MAST4: variants seen among roughly 807,000 people sequenced by gnomAD.
The protein encoded by MAST4 is microtubule-associated serine/threonine-protein kinase 4.
A neutral mutation model predicts 162.7 loss-of-function variants in MAST4; 89 were observed. The observed-to-expected ratio is 0.55, with a 90% confidence interval of 0.46 to 0.65. The LOEUF (loss-of-function observed/expected upper bound fraction) is 0.65. MAST4 is among the 30% of genes least tolerant of loss of function. The probability of loss-of-function intolerance (pLI) is 0.00; values close to 1 mark genes in which losing one functional copy is unlikely to be tolerated. For synonymous variants in MAST4, 1,479 were observed against 1,361.1 expected (o/e 1.09, Z -1.91); for missense variants, 3,153 against 3,374.0 (o/e 0.93, Z 1.62).
chr5:66,858,271 C>T (rs1047893722), intron 3 of MAST4, among the ~76,000 whole-genome samples: 7 of 152,164 alleles, frequency 4.6e-5, no homozygotes, highest in Admixed American at 2.6e-4. Context: ...TCCCAGAGTG[C>T]TGGGATTACA....
chr5:67,004,520 G>A (rs1751723859), intron 4 of MAST4: 1 of 156,466 alleles, frequency 6.4e-6, no homozygotes, highest in African/African-American at 2.4e-5. Flanking sequence ...GGGCATGTTC[G>A]GATGTGAATG....
rs76732064 is a variant in MAST4 at position 67,149,209 on chromosome 5, C to T, written c.3095-180C>T. ...GCCTCTTCCATCTCTTCCTCCTCCA[C>T]GTCACCTTTCTCAAAGCAATCACAT... On this transcript the variant is annotated intron_variant, in intron 23 of 28. Transcript: ENST00000403625. Among the ~76,000 whole-genome samples, 2,768 of 152,214 alleles carry T rather than the reference C, an allele frequency of 0.018. 36 individuals carry two copies. The highest frequency in any genetic ancestry group is 0.034 in the Middle Eastern group (10 of 294).
chr5:66,756,416 A>G (rs1753541047), intron 1 of MAST4, among the ~76,000 whole-genome samples: 1 of 152,228 alleles, frequency 6.6e-6, no homozygotes, highest in Non-Finnish European at 1.5e-5. Flanking sequence ...AACCACAAGT[A>G]TTTGAAGCAG....
intron 4 of MAST4, among the ~76,000 whole-genome samples, chr5:67,010,230 G>A (rs368034156): frequency 3.1e-4 from 47 of 152,304 alleles, no homozygotes; most frequent in African/African-American, 1.1e-3. Flanking sequence ...GAGTACTTAG[G>A]CCTCACCAAT....
intron 3 of MAST4, among the ~76,000 whole-genome samples, chr5:66,877,020 G>A (rs571927643): frequency 7.9e-4 from 121 of 152,208 alleles, no homozygotes; most frequent in Non-Finnish European, 1.5e-3. Flanking sequence ...ATAGGAGCAT[G>A]TGCAAATAGC....
chr5:67,084,624 A>G (rs879728274), intron 5 of MAST4, among the ~76,000 whole-genome samples: 5 of 152,204 alleles, frequency 3.3e-5, no homozygotes, highest in African/African-American at 7.2e-5. Flanking sequence ...ATCCCTTACC[A>G]TCACTTACAG....
chr5:66,890,986 A>G (rs1162933794), intron 3 of MAST4, among the ~76,000 whole-genome samples: 1 of 152,236 alleles, frequency 6.6e-6, no homozygotes, highest in Non-Finnish European at 1.5e-5. Flanking sequence ...AGTTCCCACT[A>G]TTTGTGTAAA....
At chr5:67,094,157 A>C (rs1394566830) in intron 6 of MAST4, 4 of 1,503,038 alleles carry the variant, frequency 2.7e-6, no homozygotes, top group Non-Finnish European at 3.6e-6. Flanking sequence ...CATGGTACAG[A>C]AATGACAGGT....
intron 4 of MAST4, among the ~76,000 whole-genome samples, chr5:67,053,989 A>T (rs186958172): frequency 2.5e-3 from 388 of 152,362 alleles, no homozygotes; most frequent in Non-Finnish European, 4.0e-3. Flanking sequence ...TTAGATTTTT[A>T]ATTAGTGCGT....
chr5:66,763,865 A>G (rs184532692), intron 2 of MAST4, among the ~76,000 whole-genome samples: 82 of 152,352 alleles, frequency 5.4e-4, no homozygotes, highest in African/African-American at 1.9e-3. Context: ...ACCCCACTGT[A>G]AGATGAGGAG....
At chr5:66,758,904 T>C (rs1753703467) in intron 1 of MAST4, among the ~76,000 whole-genome samples, 1 of 152,068 alleles carries the variant, frequency 6.6e-6, no homozygotes, top group Non-Finnish European at 1.5e-5. Flanking sequence ...TTTTGTCCTT[T>C]GCAGCTGTCT....
chr5:66,871,263 C>T (rs982431693), intron 3 of MAST4, among the ~76,000 whole-genome samples: 1 of 152,050 alleles, frequency 6.6e-6, no homozygotes, highest in Non-Finnish European at 1.5e-5. Flanking sequence ...TAGCAAACTA[C>T]ATAGGAAGTG....
In MAST4 at chr5:66,867,412, A is replaced by G. The variant is rs532658135; in HGVS notation, c.643-32539A>G. Among the ~76,000 whole-genome samples, 14 of 152,370 alleles carry G rather than the reference A, an allele frequency of 9.2e-5. No individual in the cohort carries two copies. The East Asian group carries it at 2.7e-3, about 29-fold the overall frequency. Reference sequence around the variant, plus strand: ...GCAAATTAAGCTAAAGTACTAAGCTATCAGATCTGTAATGTTAGGGGAACA... The same window carrying G: ...GCAAATTAAGCTAAAGTACTAAGCTGTCAGATCTGTAATGTTAGGGGAACA... On this transcript the variant is annotated intron_variant, in intron 3 of 28. Coordinates refer to ENST00000403625, the MANE Select transcript of MAST4 (RefSeq NM_001164664.2).
chr5:67,030,818 G>A (rs37483), intron 4 of MAST4, among the ~76,000 whole-genome samples: 1 of 151,978 alleles, frequency 6.6e-6, no homozygotes, highest in African/African-American at 2.4e-5. Context: ...TATCTCAAAC[G>A]CTATGTTTTT....
At chr5:66,889,342 A>C (rs1430214938) in intron 3 of MAST4, among the ~76,000 whole-genome samples, 1 of 152,182 alleles carries the variant, frequency 6.6e-6, no homozygotes, top group Non-Finnish European at 1.5e-5. Flanking sequence ...AGCCTTCATA[A>C]ATCATTCTAG....
chr5:66,971,655 A>G (rs1256477008), intron 4 of MAST4, among the ~76,000 whole-genome samples: 2 of 152,130 alleles, frequency 1.3e-5, no homozygotes, highest in Non-Finnish European at 2.9e-5. Flanking sequence ...TTGTTTTTGA[A>G]TATATTGAAA....
At chr5:66,617,471 G>GCA (rs1018879686) in intron 1 of MAST4, among the ~76,000 whole-genome samples, 1 of 142,658 alleles carries the variant, frequency 7.0e-6, no homozygotes, top group African/African-American at 2.6e-5. Flanking sequence ...AGCAGAGAAG[G>GCA]GTTATTTTTT....
intron 1 of MAST4, among the ~76,000 whole-genome samples, chr5:66,703,839 A>G (rs1749943571): frequency 6.6e-6 from 1 of 152,240 alleles, no homozygotes; most frequent in Non-Finnish European, 1.5e-5. Flanking sequence ...TCTTTAGGCA[A>G]TCAGAAAATG....
At chr5:66,896,350 C>T (rs1352291557) in intron 3 of MAST4, among the ~76,000 whole-genome samples, 1 of 152,134 alleles carries the variant, frequency 6.6e-6, no homozygotes, top group Non-Finnish European at 1.5e-5. Context: ...CGTGACTTAC[C>T]ACTGATGATG....
Sources: gnomAD v4.1 joint callset for allele counts (sites outside exome capture counted in the v4.1 genomes callset) on GRCh38, gnomAD v4.1.1 for gene constraint, MANE v1.5 for transcripts, NCBI Gene and HGNC (gene_info 2026-07-23, HGNC 2026-07-21) for gene names.